RORA: variants seen among roughly 807,000 people sequenced by gnomAD.
The protein encoded by RORA is RAR related orphan receptor A, also known as nuclear receptor ROR-alpha.
A neutral mutation model predicts 69.5 loss-of-function variants in RORA; 7 were observed. That is an observed-to-expected ratio of 0.10 (90% CI 0.06 to 0.19). The LOEUF (loss-of-function observed/expected upper bound fraction) is 0.19, where lower values mean the gene tolerates loss of function less well. Ranked by LOEUF, RORA falls within the 10% of genes least tolerant of loss-of-function variation. The pLI is 1.00. For missense variants in RORA, 457 were observed against 663.0 expected, an observed-to-expected ratio of 0.69 and a Z score of 3.41; for synonymous variants, 261 against 240.8, an observed-to-expected ratio of 1.08 and a Z score of -0.78.
chr15:60,503,413 A>C (rs2065393019), intron 7 of RORA, 122 bp downstream of exon 7: 1 of 885,106 alleles, frequency 1.1e-6, no homozygotes, highest in Non-Finnish European at 1.7e-6. Flanking sequence ...TGCTAAGAAA[A>C]ACCTGAGCTA....
chr15:60,942,946 C>G (rs139217061), intron 1 of RORA, among the ~76,000 whole-genome samples: 22 of 152,338 alleles, frequency 1.4e-4, no homozygotes, highest in African/African-American at 5.1e-4. Context: ...TTGCAGCTCA[C>G]TGAAGGTCAA....
intron 1 of RORA, among the ~76,000 whole-genome samples, chr15:60,829,256 A>G (rs2073006817): frequency 6.6e-6 from 1 of 152,108 alleles, no homozygotes. Context: ...CCTTAGGGCT[A>G]ATGGAATTCA....
intron 1 of RORA, among the ~76,000 whole-genome samples, chr15:61,136,647 T>C (rs1331028071): frequency 6.6e-6 from 1 of 152,200 alleles, no homozygotes; most frequent in Non-Finnish European, 1.5e-5. Flanking sequence ...TCGAAAGAGC[T>C]GTCCTTCAGA....
At chr15:60,619,658 A>G (rs103946) in intron 2 of RORA, among the ~76,000 whole-genome samples, 33,206 of 152,154 alleles carry the variant, frequency 0.22, 4,638 homozygotes, top group African/African-American at 0.4. Context: ...AGTTCTGCCT[A>G]CAAGTTGGTC....
At chr15:60,509,630 G>C (rs1303162303) in intron 5 of RORA, among the ~76,000 whole-genome samples, 1 of 152,150 alleles carries the variant, frequency 6.6e-6, no homozygotes, top group African/African-American at 2.4e-5. Context: ...ATGGTAAGGT[G>C]GAGGCAAACC....
chr15:60,532,328 T>TG (rs2066548795), intron 2 of RORA, among the ~76,000 whole-genome samples: 1 of 434 alleles, frequency 2.3e-3, no homozygotes, highest in African/African-American at 8.3e-3. Context: ...ATCAGTTACA[T>TG]ATGATAAGAA....
chr15:60,807,984 A>G (rs931458591), intron 1 of RORA, among the ~76,000 whole-genome samples: 14 of 152,208 alleles, frequency 9.2e-5, no homozygotes, highest in South Asian at 8.3e-4. Flanking sequence ...AGAAGATAAC[A>G]TCAGAAAAAC....
At chr15:61,112,656 C>T (rs997514562) in intron 1 of RORA, among the ~76,000 whole-genome samples, 5 of 152,118 alleles carry the variant, frequency 3.3e-5, no homozygotes, top group Admixed American at 6.5e-5. Context: ...GAACACTTAC[C>T]GCAAGCCAGG....
intron 1 of RORA, among the ~76,000 whole-genome samples, chr15:60,748,026 G>A (rs2071672530): frequency 6.6e-6 from 1 of 152,180 alleles, no homozygotes; most frequent in African/African-American, 2.4e-5. Context: ...CTGTGCTTCA[G>A]TTACAAGCAA....
intron 1 of RORA, among the ~76,000 whole-genome samples, chr15:61,003,780 T>G (rs1323994678): frequency 6.6e-6 from 1 of 152,174 alleles, no homozygotes; most frequent in African/African-American, 2.4e-5. Flanking sequence ...AAGAAGTGGC[T>G]GAAATCTGGG....
At chr15:61,051,762 G>A (rs536988018) in intron 1 of RORA, among the ~76,000 whole-genome samples, 2 of 152,130 alleles carry the variant, frequency 1.3e-5, no homozygotes, top group Non-Finnish European at 2.9e-5. Context: ...TGAAGTCTCC[G>A]CCTGGGCTTC....
chr15:60,946,913 G>C (rs1365777906), intron 1 of RORA, among the ~76,000 whole-genome samples: 3 of 149,996 alleles, frequency 2.0e-5, no homozygotes, highest in Non-Finnish European at 4.4e-5. Context: ...GCCTCTGCCC[G>C]GCCCCGACCC....
At chr15:60,783,147 A>C (rs2072287400) in intron 1 of RORA, among the ~76,000 whole-genome samples, 1 of 152,222 alleles carries the variant, frequency 6.6e-6, no homozygotes, top group African/African-American at 2.4e-5. Flanking sequence ...GGAATAGTAA[A>C]AAAAAGAAAT....
At chr15:61,019,694 C>A (rs1028025186) in intron 1 of RORA, among the ~76,000 whole-genome samples, 1 of 152,198 alleles carries the variant, frequency 6.6e-6, no homozygotes, top group African/African-American at 2.4e-5. Flanking sequence ...AAGTCTCTCA[C>A]ATCTGTACTT....
intron 1 of RORA, among the ~76,000 whole-genome samples, chr15:60,814,841 C>T (rs1248710571): frequency 6.6e-6 from 1 of 152,170 alleles, no homozygotes; most frequent in African/African-American, 2.4e-5. Flanking sequence ...ATAAAGGGCA[C>T]ATGTATTAGG....
At chr15:60,786,756 G>A (rs1027858430) in intron 1 of RORA, among the ~76,000 whole-genome samples, 10 of 152,182 alleles carry the variant, frequency 6.6e-5, no homozygotes, top group Non-Finnish European at 1.0e-4. Context: ...GTCTTGCCTG[G>A]GACTGGCAAA....
At chr15:60,549,907 T>G (rs1466309079) in intron 2 of RORA, among the ~76,000 whole-genome samples, 1 of 152,232 alleles carries the variant, frequency 6.6e-6, no homozygotes. Context: ...AAGGACAACA[T>G]AGCTCATTTT....
intron 2 of RORA, among the ~76,000 whole-genome samples, chr15:60,596,548 C>A (rs1483079632): frequency 6.6e-6 from 1 of 151,974 alleles, no homozygotes; most frequent in African/African-American, 2.4e-5. Flanking sequence ...ACTTGGGAAG[C>A]TATGGACACA....
At chr15:60,606,196 T>A (rs2068941314) in intron 2 of RORA, among the ~76,000 whole-genome samples, 1 of 152,332 alleles carries the variant, frequency 6.6e-6, no homozygotes, top group African/African-American at 2.4e-5. Context: ...CTGGCCAAAA[T>A]GTCTGTTTCC....
Sources: gnomAD v4.1 joint callset for allele counts (sites outside exome capture counted in the v4.1 genomes callset) on GRCh38, gnomAD v4.1.1 for gene constraint, MANE v1.5 for transcripts, NCBI Gene and HGNC (gene_info 2026-07-23, HGNC 2026-07-21) for gene names.